RHOBTB2: variants seen among roughly 807,000 people sequenced by gnomAD.
RHOBTB2 encodes the protein Rho related BTB domain containing 2, also known as rho-related BTB domain-containing protein 2.
In RHOBTB2, 39 loss-of-function variants were observed where a neutral mutation model predicts 66.5. The observed-to-expected ratio is 0.59, with a 90% CI of 0.45 to 0.77. RHOBTB2 has a LOEUF of 0.77. Among genes scored for constraint, RHOBTB2 ranks in the 30% least tolerant of loss-of-function variants. The probability of loss-of-function intolerance (pLI) is 0.00; values close to 1 mark genes in which losing one functional copy is unlikely to be tolerated. For missense variants in RHOBTB2, 755 were observed against 999.1 expected (o/e 0.76, Z 3.29); for synonymous variants, 390 against 395.0 (o/e 0.99, Z 0.15).
chr8:23,016,308 G>C (rs1207115616), intron 9 of RHOBTB2, among the ~76,000 whole-genome samples: 1 of 152,128 alleles, frequency 6.6e-6, no homozygotes, highest in East Asian at 1.9e-4. Context: ...GCTCCCTCCA[G>C]TCTGCCGTGA....
the RHOBTB2 span, among the ~76,000 whole-genome samples, chr8:22,971,967 T>G: frequency 6.6e-6 from 1 of 152,228 alleles, no homozygotes; most frequent in Non-Finnish European, 1.5e-5. Flanking sequence ...TGTTTCCACT[T>G]GGATGTGTCT....
At chr8:22,989,629 C>T (rs1222081930) in intron 1 of RHOBTB2, among the ~76,000 whole-genome samples, 2 of 152,194 alleles carry the variant, frequency 1.3e-5, no homozygotes, top group Admixed American at 1.3e-4. Flanking sequence ...TCTAAGGAAA[C>T]TGCCTAGGTT....
intron 1 of RHOBTB2, among the ~76,000 whole-genome samples, chr8:22,990,556 C>T (rs549328302): frequency 2.6e-5 from 4 of 152,228 alleles, no homozygotes; most frequent in Non-Finnish European, 4.4e-5. Context: ...TCCAGCCAGG[C>T]TTCCACCAGC....
At chr8:22,978,969 G>C in the RHOBTB2 span, among the ~76,000 whole-genome samples, 1 of 152,064 alleles carries the variant, frequency 6.6e-6, no homozygotes, top group Admixed American at 6.5e-5. Flanking sequence ...ATATGGCCAT[G>C]ATGTATACAT....
the RHOBTB2 span, among the ~76,000 whole-genome samples, chr8:22,973,911 C>T: frequency 6.6e-6 from 1 of 152,188 alleles, no homozygotes; most frequent in South Asian, 2.1e-4. Flanking sequence ...TCAACCTCAC[C>T]ACCCCTCCCA....
the RHOBTB2 span, among the ~76,000 whole-genome samples, chr8:22,971,552 G>A: frequency 1.3e-5 from 2 of 152,080 alleles, no homozygotes; most frequent in South Asian, 2.1e-4. Context: ...TCTACAAACC[G>A]ACTTCCACAG....
chr8:22,954,897 C>T, the RHOBTB2 span, among the ~76,000 whole-genome samples: 12 of 152,118 alleles, frequency 7.9e-5, no homozygotes, highest in Non-Finnish European at 5.9e-5. Flanking sequence ...TTTGGGAGGC[C>T]GAGGTGGGCA....
At chr8:22,956,672 T>G in the RHOBTB2 span, among the ~76,000 whole-genome samples, 1 of 152,226 alleles carries the variant, frequency 6.6e-6, no homozygotes, top group Non-Finnish European at 1.5e-5. Context: ...TTTGTTTGTT[T>G]GTTTTTGAGA....
At position 23,006,711 on chromosome 8, in the gene RHOBTB2, C is replaced by T. The variant is rs770934288; in HGVS notation, c.483-17C>T. 3.1e-6 allele frequency: 5 copies of T among 1,590,420 alleles called. No individual in the cohort carries two copies. Among genetic ancestry groups the T allele is most frequent in the Non-Finnish European group, 1.7e-6 (2 of 1,164,382 alleles). ...CCACCACCAACACAAGCTTGGTTTCCTTCTTGAACCTACCAGGCCCATCAA... is the reference window on the plus strand; with the variant it reads ...CCACCACCAACACAAGCTTGGTTTCTTTCTTGAACCTACCAGGCCCATCAA... On this transcript the variant is annotated splice_polypyrimidine_tract_variant and intron_variant, in intron 4 of 9. Transcript: ENST00000251822. This position sits in a 1 kb window ranked among gnomAD's most constrained non-coding sequence, Gnocchi z 6.1.
intron 7 of RHOBTB2, 28 bp downstream of exon 7, chr8:23,010,716 C>T (rs1811120682): frequency 6.2e-7 from 1 of 1,610,584 alleles, no homozygotes; most frequent in African/African-American, 1.3e-5. Context: ...TCGGGGACCT[C>T]CCCGCGGCAG....
At chr8:22,980,451 C>T in the RHOBTB2 span, among the ~76,000 whole-genome samples, 2 of 152,136 alleles carry the variant, frequency 1.3e-5, no homozygotes, top group Admixed American at 6.5e-5. Flanking sequence ...TGTTCATTGC[C>T]TATTTTTACT....
At chr8:22,980,712 C>T in the RHOBTB2 span, among the ~76,000 whole-genome samples, 38,390 of 152,042 alleles carry the variant, frequency 0.25, 5,500 homozygotes, top group East Asian at 0.52. Context: ...AACTAATGTC[C>T]AACACCAAGT....
intron 8 of RHOBTB2, among the ~76,000 whole-genome samples, chr8:23,015,390 G>T (rs1811261492): frequency 6.6e-6 from 1 of 152,186 alleles, no homozygotes; most frequent in Non-Finnish European, 1.5e-5. Flanking sequence ...GGTGTCTGCA[G>T]CGAGGATGCC....
chr8:22,996,872 G>A (rs1043254338), upstream of RHOBTB2, among the ~76,000 whole-genome samples: 4 of 152,112 alleles, frequency 2.6e-5, no homozygotes, highest in Non-Finnish European at 5.9e-5. Flanking sequence ...TCTGGCATTG[G>A]AGAGATGGGC....
At chr8:22,985,844 G>A (rs185525698), upstream of RHOBTB2, among the ~76,000 whole-genome samples, 8 of 152,262 alleles carry the variant, frequency 5.3e-5, no homozygotes, top group East Asian at 1.9e-4. Flanking sequence ...ACATGTAAGG[G>A]CATTGTTTCT....
the RHOBTB2 span, among the ~76,000 whole-genome samples, chr8:22,973,765 G>A: frequency 1.3e-5 from 2 of 152,198 alleles, no homozygotes; most frequent in South Asian, 4.1e-4. Context: ...AGGCTGCTTA[G>A]GGGACAGAGG....
upstream of RHOBTB2, among the ~76,000 whole-genome samples, chr8:22,999,343 C>T (rs1448386229): frequency 6.6e-6 from 1 of 152,142 alleles, no homozygotes; most frequent in African/African-American, 2.4e-5. Context: ...CTTTGCGCCT[C>T]GCCAGGTGGA....
chr8:22,965,791 C>T, the RHOBTB2 span, among the ~76,000 whole-genome samples: 2 of 152,082 alleles, frequency 1.3e-5, no homozygotes, highest in African/African-American at 2.4e-5. Flanking sequence ...GATTAAAGGT[C>T]TAATTGTAAG....
chr8:23,018,598 A>C lies in RHOBTB2; in HGVS notation c.*1129A>C, dbSNP rs1811373217. 2.0e-5 allele frequency: 3 copies of C among 152,236 alleles called. No homozygotes were observed. Among genetic ancestry groups the C allele is most frequent in the Admixed American group, 2.0e-4 (3 of 15,278 alleles). 9.4% of individuals were successfully genotyped at this position (152,236 alleles called of 1,614,324 possible). A position where few individuals can be genotyped will look rare whatever the true frequency, so the allele number is the denominator to read the frequency against. The stretch of plus-strand genomic sequence containing the variant: ...TGCCAGCTGGCTCCGAGGGCAACAC[A>C]GGGGCCTGGCCTCTAGAGGGCTGGT... On this transcript the variant is annotated 3_prime_UTR_variant, in exon 10 of 10. Transcript: ENST00000251822.
Sources: allele counts gnomAD v4.1 joint callset (sites outside exome capture counted in the v4.1 genomes callset), GRCh38; gene constraint gnomAD v4.1.1; non-coding constraint Gnocchi (gnomAD v3.1); transcripts MANE v1.5; gene names NCBI Gene and HGNC (gene_info 2026-07-23, HGNC 2026-07-21).